SLC8A3: variants seen among roughly 807,000 people sequenced by gnomAD.
SLC8A3 encodes solute carrier family 8 member A3.
A neutral mutation model predicts 65.4 loss-of-function variants in SLC8A3; 37 were observed. The ratio of observed to expected loss-of-function variants is 0.57; its 90% CI spans 0.44 to 0.74. The LOEUF (loss-of-function observed/expected upper bound fraction) is 0.74. Ranked by LOEUF, SLC8A3 falls within the 30% of genes least tolerant of loss-of-function variation. The pLI is 0.00. For synonymous variants in SLC8A3, 461 were observed against 444.5 expected (o/e 1.04, Z -0.47); for missense variants, 1,112 against 1,172.1 (o/e 0.95, Z 0.75).
intron 2 of SLC8A3, among the ~76,000 whole-genome samples, chr14:70,070,824 C>A (rs1010000032): frequency 3.3e-5 from 5 of 152,182 alleles, no homozygotes; most frequent in African/African-American, 1.2e-4. Context: ...AGCTAATAAA[C>A]CAGCTTCCCA....
At chr14:70,135,379 C>T (rs1289735642) in intron 2 of SLC8A3, among the ~76,000 whole-genome samples, 1 of 152,112 alleles carries the variant, frequency 6.6e-6, no homozygotes, top group East Asian at 1.9e-4. Context: ...TCTAGCAATC[C>T]TACCACTGGG....
At chr14:70,152,412 T>C (rs1319276633) in intron 2 of SLC8A3, among the ~76,000 whole-genome samples, 3 of 152,132 alleles carry the variant, frequency 2.0e-5, no homozygotes. Flanking sequence ...ATTCAAATGA[T>C]GAATTTGCAG....
chr14:70,187,982 C>T (rs1305447507), intron 1 of SLC8A3, among the ~76,000 whole-genome samples: 1 of 152,076 alleles, frequency 6.6e-6, no homozygotes, highest in East Asian at 1.9e-4. Flanking sequence ...ACACATATGC[C>T]GACATGCATC....
chr14:70,044,244 A>AC lies in SLC8A3; in HGVS notation c.*1702_*1703insG, dbSNP rs1886492936. On this transcript the variant is annotated 3_prime_UTR_variant, in exon 7 of 7. Transcript: ENST00000356921. The stretch of plus-strand genomic sequence containing the variant: ...TGTAGAGAGATATAGTATAGCTTTT[A>AC]TTTTTTTTTTGAACCAACCCAACAT... 1 of 149,506 alleles carries AC rather than the reference A, an allele frequency of 6.7e-6. No individual in the cohort carries two copies. The highest frequency in any genetic ancestry group is 1.5e-5 in the Non-Finnish European group (1 of 67,190). The allele number at this position is 149,506 out of a possible 1,614,324, so 9.3% of individuals were successfully genotyped here. A position where few individuals can be genotyped will look rare whatever the true frequency, so the allele number is the denominator to read the frequency against.
At chr14:70,062,233 T>C (rs1888887543) in intron 2 of SLC8A3, among the ~76,000 whole-genome samples, 1 of 152,186 alleles carries the variant, frequency 6.6e-6, no homozygotes, top group Admixed American at 6.5e-5. Context: ...GTGGGCGTGC[T>C]CGGCTTTGCC....
chr14:70,085,510 C>A (rs1232584052), intron 2 of SLC8A3, among the ~76,000 whole-genome samples: 1 of 152,120 alleles, frequency 6.6e-6, no homozygotes, highest in Non-Finnish European at 1.5e-5. Flanking sequence ...CCCGACCCAC[C>A]TCCCCGCCTG....
chr14:70,062,174 C>T (rs898978519), intron 2 of SLC8A3, among the ~76,000 whole-genome samples: 3 of 151,884 alleles, frequency 2.0e-5, no homozygotes, highest in Non-Finnish European at 2.9e-5. Context: ...GGGTAAAGAG[C>T]ATTTACCTAA....
chr14:70,136,084 C>T (rs1044009915), intron 2 of SLC8A3, among the ~76,000 whole-genome samples: 1 of 151,990 alleles, frequency 6.6e-6, no homozygotes, highest in Non-Finnish European at 1.5e-5. Context: ...ACTTCTGTGC[C>T]TCAGAGTGGA....
At chr14:70,154,598 C>T (rs1304679162) in intron 2 of SLC8A3, among the ~76,000 whole-genome samples, 1 of 152,218 alleles carries the variant, frequency 6.6e-6, no homozygotes, top group Non-Finnish European at 1.5e-5. Flanking sequence ...AAGTACCATG[C>T]AGTAGGAAAG....
intron 2 of SLC8A3, among the ~76,000 whole-genome samples, chr14:70,083,294 C>A (rs1891195157): frequency 6.6e-6 from 1 of 152,136 alleles, no homozygotes; most frequent in Non-Finnish European, 1.5e-5. Flanking sequence ...CATGCATGAC[C>A]ATTCAGAGTT....
At chr14:70,138,567 A>T (rs1014626108) in intron 2 of SLC8A3, among the ~76,000 whole-genome samples, 1 of 152,222 alleles carries the variant, frequency 6.6e-6, no homozygotes, top group Non-Finnish European at 1.5e-5. Context: ...CATTGCATCA[A>T]CTATAAGTTC....
chr14:70,144,294 A>G (rs1392810843), intron 2 of SLC8A3, among the ~76,000 whole-genome samples: 1 of 148,880 alleles, frequency 6.7e-6, no homozygotes, highest in Non-Finnish European at 1.5e-5. Flanking sequence ...CAAAAAAACT[A>G]ACGAAAACTT....
chr14:70,130,196 C>T (rs938741829), intron 2 of SLC8A3, among the ~76,000 whole-genome samples: 5 of 152,244 alleles, frequency 3.3e-5, no homozygotes, highest in Non-Finnish European at 5.9e-5. Flanking sequence ...TAAACATTTG[C>T]ATGTTAGTTA....
intron 2 of SLC8A3, among the ~76,000 whole-genome samples, chr14:70,094,336 A>G (rs1285509840): frequency 6.6e-6 from 1 of 152,234 alleles, no homozygotes; most frequent in East Asian, 1.9e-4. Context: ...ACATTGCAAC[A>G]ATGGCTGATG....
chr14:70,063,527 C>G (rs1053156236), intron 2 of SLC8A3, among the ~76,000 whole-genome samples: 3 of 152,228 alleles, frequency 2.0e-5, no homozygotes, highest in South Asian at 2.1e-4. Flanking sequence ...CATTTTGGCT[C>G]TTTCTTTCCC....
chr14:70,058,222 T>C (rs981296538), intron 3 of SLC8A3, among the ~76,000 whole-genome samples: 1 of 152,346 alleles, frequency 6.6e-6, no homozygotes, highest in East Asian at 1.9e-4. Context: ...GACTCTCCCA[T>C]GCAGTAGTGA....
intron 2 of SLC8A3, among the ~76,000 whole-genome samples, chr14:70,151,264 A>G (rs920434197): frequency 2.3e-4 from 34 of 150,724 alleles, no homozygotes; most frequent in African/African-American, 7.6e-4. Context: ...AAAAAAAGAA[A>G]AAAAAAAAAA....
rs1257950154 is a variant in SLC8A3 at position 70,046,924 on chromosome 14, A to G, written c.2390-601T>C. The G allele has an allele frequency of 3.9e-5, 6 of 152,288 alleles. No individual in the cohort carries two copies. The highest frequency in any genetic ancestry group is 8.8e-5 in the Non-Finnish European group (6 of 68,134). 9.4% of individuals were successfully genotyped at this position (152,288 alleles called of 1,614,324 possible). On this transcript the variant is annotated intron_variant, in intron 6 of 6. Transcript: ENST00000356921. The surrounding 1 kb of genome is among the most constrained non-coding windows in gnomAD (Gnocchi z 4.2). ...GGCCTTGCAGGGTGTTTGACTTTAG[A>G]TCTTGGCACAGATTGTAGATACAGG...
intron 1 of SLC8A3, among the ~76,000 whole-genome samples, chr14:70,176,098 T>G (rs1305277993): frequency 1.3e-5 from 2 of 152,228 alleles, no homozygotes; most frequent in Non-Finnish European, 2.9e-5. Flanking sequence ...CCTCTCTACC[T>G]CTAAAATTCT....
Sources: gnomAD v4.1 joint callset for allele counts (sites outside exome capture counted in the v4.1 genomes callset) on GRCh38, gnomAD v4.1.1 for gene constraint, Gnocchi (gnomAD v3.1) non-coding constraint, MANE v1.5 for transcripts, NCBI Gene and HGNC (gene_info 2026-07-23, HGNC 2026-07-21) for gene names.